FRMD3: variants seen among roughly 807,000 people sequenced by gnomAD.
FRMD3 encodes the protein FERM domain containing 3.
A neutral mutation model predicts 70.2 loss-of-function variants in FRMD3; 33 were observed. The ratio of observed to expected loss-of-function variants is 0.47; its 90% confidence interval spans 0.36 to 0.63. FRMD3 has a LOEUF of 0.63. Among genes scored for constraint, FRMD3 ranks in the 20% least tolerant of loss-of-function variants. The probability of loss-of-function intolerance (pLI) is 0.00; values close to 1 mark genes in which losing one functional copy is unlikely to be tolerated. For missense variants in FRMD3, 632 were observed against 711.4 expected, an observed-to-expected ratio of 0.89 and a Z score of 1.27; for synonymous variants, 279 against 255.9, an observed-to-expected ratio of 1.09 and a Z score of -0.86.
At chr9:83,363,683 T>C (rs1824689217) in intron 3 of FRMD3, among the ~76,000 whole-genome samples, 1 of 151,450 alleles carries the variant, frequency 6.6e-6, no homozygotes, top group South Asian at 2.1e-4. Context: ...GCCTCCTGAG[T>C]AGCTGGGACT....
At chr9:83,441,035 C>A (rs1422783902) in intron 1 of FRMD3, among the ~76,000 whole-genome samples, 1 of 152,144 alleles carries the variant, frequency 6.6e-6, no homozygotes, top group Non-Finnish European at 1.5e-5. Flanking sequence ...CTGTGGTGGT[C>A]ATGGTAGCAT....
At chr9:83,283,498 T>C (rs973388913) in intron 13 of FRMD3, among the ~76,000 whole-genome samples, 1 of 145,180 alleles carries the variant, frequency 6.9e-6, no homozygotes, top group South Asian at 2.2e-4. Flanking sequence ...ACCACTACAC[T>C]CCAGCCTGGG....
chr9:83,256,228 C>T (rs1239506335), intron 13 of FRMD3, among the ~76,000 whole-genome samples: 3 of 151,912 alleles, frequency 2.0e-5, no homozygotes, highest in African/African-American at 7.3e-5. Flanking sequence ...ACACCAACAA[C>T]CACCTGATCT....
At chr9:83,397,911 T>TTA (rs1306602275) in intron 1 of FRMD3, among the ~76,000 whole-genome samples, 2 of 152,208 alleles carry the variant, frequency 1.3e-5, no homozygotes, top group Non-Finnish European at 2.9e-5. Context: ...GCTGCTAGGA[T>TTA]TATGTCTTCT....
chr9:83,543,525 TG>T (rs1040449305), upstream of FRMD3, among the ~76,000 whole-genome samples: 2 of 152,162 alleles, frequency 1.3e-5, no homozygotes, highest in Non-Finnish European at 2.9e-5. Flanking sequence ...GCACCCATTT[TG>T]GGACTCTATC....
At chr9:83,288,904 G>A (rs949185232) in intron 13 of FRMD3, among the ~76,000 whole-genome samples, 4 of 152,124 alleles carry the variant, frequency 2.6e-5, no homozygotes, top group Non-Finnish European at 5.9e-5. Context: ...AAGGCAGCAG[G>A]CCTAGGGTTC....
intron 3 of FRMD3, among the ~76,000 whole-genome samples, chr9:83,360,508 T>C (rs1293129845): frequency 6.6e-6 from 1 of 152,090 alleles, no homozygotes; most frequent in Non-Finnish European, 1.5e-5. Context: ...TGCCAGCATG[T>C]GTAGTTTTGA....
chr9:83,467,279 GC>G (rs929317647), intron 1 of FRMD3, among the ~76,000 whole-genome samples: 6 of 152,182 alleles, frequency 3.9e-5, no homozygotes, highest in African/African-American at 1.2e-4. Flanking sequence ...TCAGCAGGAA[GC>G]CCAGGAGTTG....
intron 1 of FRMD3, among the ~76,000 whole-genome samples, chr9:83,444,962 C>T (rs978013718): frequency 2.6e-5 from 4 of 152,206 alleles, no homozygotes; most frequent in Non-Finnish European, 4.4e-5. Context: ...GGCTCTTTCC[C>T]GTAGTCTCAA....
At chr9:83,583,766 G>A in the FRMD3 span, among the ~76,000 whole-genome samples, 2 of 151,928 alleles carry the variant, frequency 1.3e-5, no homozygotes, top group Non-Finnish European at 2.9e-5. Context: ...ATGCCACCAC[G>A]GCCAGCTGAT....
At chr9:83,482,204 A>G (rs1828583735) in intron 1 of FRMD3, among the ~76,000 whole-genome samples, 1 of 152,228 alleles carries the variant, frequency 6.6e-6, no homozygotes, top group Non-Finnish European at 1.5e-5. Context: ...TTTTGGAAGT[A>G]GCACCCCATC....
intron 1 of FRMD3, among the ~76,000 whole-genome samples, chr9:83,421,507 G>C (rs1000173199): frequency 9.2e-5 from 14 of 152,262 alleles, no homozygotes; most frequent in Middle Eastern, 6.8e-3. Context: ...ACACAGAAAG[G>C]GGGTAGCAGA....
At chr9:83,452,843 A>G (rs12555909) in intron 1 of FRMD3, among the ~76,000 whole-genome samples, 15,249 of 103,342 alleles carry the variant, frequency 0.15, 872 homozygotes, top group East Asian at 0.19. Context: ...CCAAATTTTT[A>G]TTGCCTTTTT....
rs894410488 is a variant in FRMD3, at chr9:83,517,531, G to T, written c.147+20554C>A. On this transcript the variant is annotated intron_variant, in intron 1 of 13. Transcript: ENST00000304195. ...AAAAAAAAAAAAACAACCTAGGACCGATGGATTCACAGGCGAATTCTACCA... is the reference window on the plus strand; with the variant it reads ...AAAAAAAAAAAAACAACCTAGGACCTATGGATTCACAGGCGAATTCTACCA... 2.2e-5 allele frequency among the ~76,000 whole-genome samples: 3 copies of T among 139,326 alleles called. No individual in the cohort carries two copies. In the Admixed American group the frequency reaches 2.2e-4, roughly 10 times the overall value. 91.4% of individuals were successfully genotyped at this position (139,326 alleles called of 152,430 possible).
chr9:83,331,723 A>G (rs1178755338), intron 6 of FRMD3: 3 of 654,304 alleles, frequency 4.6e-6, no homozygotes, highest in Admixed American at 2.6e-5. Context: ...CTTCCTTTCA[A>G]TTTTGCTGTA....
At chr9:83,422,152 G>A (rs893289956) in intron 1 of FRMD3, among the ~76,000 whole-genome samples, 1 of 152,178 alleles carries the variant, frequency 6.6e-6, no homozygotes, top group Non-Finnish European at 1.5e-5. Context: ...TGGATCCTGG[G>A]AGGCAGAGGC....
chr9:83,463,639 CA>C (rs1398305189), intron 1 of FRMD3, among the ~76,000 whole-genome samples: 1 of 152,156 alleles, frequency 6.6e-6, no homozygotes, highest in Non-Finnish European at 1.5e-5. Context: ...GGGTGGGACA[CA>C]GCCAAACCAT....
chr9:83,432,655 A>G (rs1827016385), intron 1 of FRMD3, among the ~76,000 whole-genome samples: 1 of 152,246 alleles, frequency 6.6e-6, no homozygotes, highest in Non-Finnish European at 1.5e-5. Context: ...ATGCCTGAAT[A>G]AATATCTGTT....
intron 13 of FRMD3, among the ~76,000 whole-genome samples, chr9:83,265,419 A>AAAAT (rs1833210861): frequency 6.8e-6 from 1 of 146,936 alleles, no homozygotes; most frequent in Non-Finnish European, 1.5e-5. Flanking sequence ...AAAAAAAAAA[A>AAAAT]GTGCCTGTGT....
Sources: allele counts gnomAD v4.1 joint callset (sites outside exome capture counted in the v4.1 genomes callset), GRCh38; gene constraint gnomAD v4.1.1; transcripts MANE v1.5; gene names NCBI Gene and HGNC (gene_info 2026-07-23, HGNC 2026-07-21).